The following AKAP9 variants were observed in gnomAD, a reference collection of about 807,000 sequenced individuals.
The protein encoded by AKAP9 is A-kinase anchor protein 9.
Under a neutral mutation model 488.5 loss-of-function variants are expected in AKAP9, and 311 were observed. The ratio of observed to expected loss-of-function variants is 0.64; its 90% CI spans 0.58 to 0.70. AKAP9 has a LOEUF of 0.70. AKAP9 is among the 30% of genes least tolerant of loss of function. AKAP9 has a pLI of 0.00. For synonymous variants in AKAP9, 1,462 were observed against 1,483.5 expected (o/e 0.99, Z 0.33); for missense variants, 4,215 against 4,374.5 (o/e 0.96, Z 1.03).
In AKAP9 at chr7:92,053,006, A is replaced by G. The variant is rs186307849; in HGVS notation, c.5601+48A>G. On this transcript the variant is annotated intron_variant, in intron 22 of 49. Transcript: ENST00000356239. ...ATGTACTGAGTTTGAAGTACAATAT[A>G]CTATCCCACTCTCTCGACTGAGCTA... 68 of 1,448,420 alleles carry G rather than the reference A, an allele frequency of 4.7e-5. No homozygotes were observed. The African/African-American group carries it at 8.2e-4, about 17-fold the overall frequency. 89.7% of individuals were successfully genotyped at this position (1,448,420 alleles called of 1,614,324 possible).
chr7:92,056,386 A>G (rs1187274298), intron 22 of AKAP9, among the ~76,000 whole-genome samples: 1 of 151,918 alleles, frequency 6.6e-6, no homozygotes, highest in African/African-American at 2.4e-5. Flanking sequence ...GGGTCCCCAC[A>G]GTTCATAAAG....
At chr7:92,040,646 G>GTTTT (rs71292989) in intron 17 of AKAP9, 28 bp from the exon 18 acceptor site, 113 of 1,118,756 alleles carry the variant, frequency 1.0e-4, no homozygotes, top group South Asian at 1.9e-4. Context: ...TGGTTGAATT[G>GTTTT]TTTTTTTTTT....
chr7:92,008,627 G>C (rs1800260828), intron 8 of AKAP9, among the ~76,000 whole-genome samples: 1 of 151,948 alleles, frequency 6.6e-6, no homozygotes, highest in African/African-American at 2.4e-5. Flanking sequence ...GGTGGAGAAT[G>C]CAGTGAGCCA....
rs371245265 is a variant in AKAP9 at position 91,940,883 on chromosome 7, TGGCGGCGGC to T, written c.-208_-200del. The T allele has an allele frequency of 8.5e-4, 510 of 601,830 alleles. 4 individuals are homozygous for T. The highest frequency in any genetic ancestry group is 8.4e-3 in the African/African-American group (452 of 53,772). 37.3% of individuals were successfully genotyped at this position (601,830 alleles called of 1,614,324 possible). On this transcript the variant is annotated 5_prime_UTR_variant, in exon 1 of 50. Transcript: ENST00000356239. ...CCGTGTGTTTACGTGGAGACGAAGATGGCGGCGGCGGCGGCGGTGACGGCGCTTCCCGTG... is the reference window on the plus strand; with the variant it reads ...CCGTGTGTTTACGTGGAGACGAAGATGGCGGCGGTGACGGCGCTTCCCGTG...
intron 14 of AKAP9, among the ~76,000 whole-genome samples, chr7:92,028,682 C>G (rs936864028): frequency 5.3e-5 from 8 of 152,206 alleles, no homozygotes; most frequent in Admixed American, 5.2e-4. Context: ...ATTGTTATAA[C>G]CCCCGATTGC....
At chr7:91,964,956 T>G (rs1178997602) in intron 1 of AKAP9, among the ~76,000 whole-genome samples, 1 of 152,086 alleles carries the variant, frequency 6.6e-6, no homozygotes, top group African/African-American at 2.4e-5. Context: ...GATAATTTAA[T>G]GCACTCATAT....
chr7:92,071,054 T>A (rs746978684), intron 28 of AKAP9, 45 bp downstream of exon 28: 1 of 1,455,354 alleles, frequency 6.9e-7, no homozygotes, highest in East Asian at 2.3e-5. Flanking sequence ...TTGAATTATT[T>A]TAAATCAGTT....
At chr7:92,081,207 A>C (rs974448458) in intron 31 of AKAP9, among the ~76,000 whole-genome samples, 12 of 152,028 alleles carry the variant, frequency 7.9e-5, no homozygotes, top group Non-Finnish European at 1.5e-5. Context: ...AAGTATGAAA[A>C]TATGTTAGGA....
intron 2 of AKAP9, among the ~76,000 whole-genome samples, chr7:91,975,268 G>A (rs1027408080): frequency 6.6e-6 from 1 of 152,114 alleles, no homozygotes; most frequent in African/African-American, 2.4e-5. Context: ...CTCCCAAAGT[G>A]CTTATGCCTG....
intron 22 of AKAP9, chr7:92,058,375 G>A (rs770333363): frequency 3.6e-6 from 2 of 557,920 alleles, no homozygotes; most frequent in African/African-American, 1.9e-5. Flanking sequence ...ATATATTAAA[G>A]CTTATTTCTA....
intron 3 of AKAP9, among the ~76,000 whole-genome samples, chr7:91,991,080 A>G (rs991477648): frequency 2.0e-5 from 3 of 152,150 alleles, no homozygotes; most frequent in African/African-American, 4.8e-5. Flanking sequence ...GTTCAATACT[A>G]TTTATGATTT....
At chr7:92,014,936 G>A (rs1482483332) in intron 10 of AKAP9, among the ~76,000 whole-genome samples, 8 of 152,016 alleles carry the variant, frequency 5.3e-5, no homozygotes, top group Non-Finnish European at 1.5e-5. Flanking sequence ...GGTGTAGAGT[G>A]AGCCAAAACA....
rs71528033 is a variant in AKAP9 at position 92,061,584 on chromosome 7, CTATATATATATATATATA to C, written c.5764+181_5764+198del. Among the ~76,000 whole-genome samples, 202 of 102,468 alleles carry C rather than the reference CTATATATATATATATATA, an allele frequency of 2.0e-3. 5 individuals carry two copies. The highest frequency in any genetic ancestry group is 7.0e-3 in the African/African-American group (177 of 25,438). 67.2% of individuals were successfully genotyped at this position (102,468 alleles called of 152,430 possible). A position where few individuals can be genotyped will look rare whatever the true frequency, so the allele number is the denominator to read the frequency against. ...GAGTTCCTCCAAGCAATTTTTAAAA[CTATATATATATATATATA>C]TATATATATATATATATAAAATTAT... On this transcript the variant is annotated intron_variant, in intron 23 of 49. Coordinates refer to ENST00000356239, the MANE Select transcript of AKAP9 (RefSeq NM_005751.5).
Position 91,995,661 on chromosome 7 carries a change from T to C in AKAP9, c.791T>C (p.Leu264Pro), listed in dbSNP as rs1252986285. The C allele has an allele frequency of 6.2e-7, 1 of 1,614,134 alleles. No individual in the cohort carries two copies. The highest frequency in any genetic ancestry group is 8.5e-7 in the Non-Finnish European group (1 of 1,180,032). The part of the protein sequence containing the change: ...STHSSTAADL[L>P]QAKQQILTHQ... Reference sequence around the variant, plus strand: ...CATAGTAGCACAGCTGCAGACTTACTACAAGCCAAACAACAGATCCTCACT... The same window carrying C: ...CATAGTAGCACAGCTGCAGACTTACCACAAGCCAAACAACAGATCCTCACT... Residue 264 changes from leucine to proline, a missense_variant, in exon 7 of 50, where the codon CTA (leucine) becomes CCA (proline). By Grantham distance (98) the Leu-to-Pro change is moderately conservative. Coordinates refer to ENST00000356239, the MANE Select transcript of AKAP9 (RefSeq NM_005751.5).
At position 92,022,815 on chromosome 7, in the gene AKAP9, T is replaced by C. The variant is rs1252623150; in HGVS notation, c.3954T>C (p.Asp1318=). Residue 1318 remains aspartate, a splice_region_variant and synonymous_variant, in exon 14 of 50, where the codon GAT becomes GAC. Transcript: ENST00000356239. ...HSQMTNLEDI[D]VNHKSKLSSL... is the part of the protein sequence containing the mutation. ...TTTTTGTCTCTTTATATAACATAGATGTCAATCATAAAAGCAAGTTATCTT... is the reference window on the plus strand; with the variant it reads ...TTTTTGTCTCTTTATATAACATAGACGTCAATCATAAAAGCAAGTTATCTT... The C allele has an allele frequency of 6.4e-7, 1 of 1,573,692 alleles. No individual in the cohort carries two copies. The highest frequency in any genetic ancestry group is 1.1e-5 in the South Asian group (1 of 89,774).
intron 10 of AKAP9, among the ~76,000 whole-genome samples, chr7:92,015,426 A>G (rs1169796646): frequency 6.7e-6 from 1 of 148,354 alleles, no homozygotes; most frequent in Admixed American, 6.9e-5. Context: ...GTGCAGTGGC[A>G]CAATCTCGGT....
At chr7:91,983,571 A>G (rs1389086998) in intron 3 of AKAP9, among the ~76,000 whole-genome samples, 2 of 152,212 alleles carry the variant, frequency 1.3e-5, no homozygotes, top group Non-Finnish European at 2.9e-5. Flanking sequence ...ATACCCAGTA[A>G]TGGGATCACT....
chr7:92,094,005 C>T (rs1489536796), intron 39 of AKAP9, among the ~76,000 whole-genome samples: 2 of 151,870 alleles, frequency 1.3e-5, no homozygotes, highest in African/African-American at 4.8e-5. Context: ...CACCCGCCAC[C>T]ATGCCTGGCT....
chr7:92,031,008 A>G (rs919325197), intron 15 of AKAP9, among the ~76,000 whole-genome samples: 3 of 152,244 alleles, frequency 2.0e-5, no homozygotes, highest in Non-Finnish European at 4.4e-5. Flanking sequence ...TGATTGGTAA[A>G]TAAAGAAATA....
Sources: allele counts gnomAD v4.1 joint callset (sites outside exome capture counted in the v4.1 genomes callset), GRCh38; gene constraint gnomAD v4.1.1; transcripts MANE v1.5; gene names NCBI Gene and HGNC (gene_info 2026-07-23, HGNC 2026-07-21).